Variants in HIVEP2 observed in about 807,000 individuals in gnomAD.
HIVEP2 encodes HIVEP zinc finger 2.
A neutral mutation model predicts 180.7 loss-of-function variants in HIVEP2; 14 were observed. That is an observed-to-expected ratio of 0.08 (90% CI 0.05 to 0.12). The LOEUF (loss-of-function observed/expected upper bound fraction) is 0.12, where lower values mean the gene tolerates loss of function less well. HIVEP2 is among the 10% of genes least tolerant of loss of function. The probability of loss-of-function intolerance (pLI) is 1.00; values close to 1 mark genes in which losing one functional copy is unlikely to be tolerated. For missense variants in HIVEP2, 2,579 were observed against 3,008.5 expected (o/e 0.86, Z 3.34); for synonymous variants, 1,184 against 1,136.4 (o/e 1.04, Z -0.84).
rs140909530 is a variant in HIVEP2, at chr6:142,756,234, A to C, written c.6517-2303T>G. On this transcript the variant is annotated intron_variant, in intron 9 of 9. Coordinates refer to ENST00000367603, the MANE Select transcript of HIVEP2 (RefSeq NM_006734.4). ...CAGTAGGGACCTCTAGATGCAAATG[A>C]TGAGAGGGAGGTAGAAGAGCAAGAG... 4.9e-4 allele frequency among the ~76,000 whole-genome samples: 75 copies of C among 152,274 alleles called. No individual in the cohort carries two copies. The East Asian group carries it at 0.012, about 24-fold the overall frequency.
At chr6:142,795,534 G>C (rs1295802130) in intron 2 of HIVEP2, among the ~76,000 whole-genome samples, 1 of 152,006 alleles carries the variant, frequency 6.6e-6, no homozygotes, top group Non-Finnish European at 1.5e-5. Flanking sequence ...TTTCACTGAG[G>C]GCCTTAGATA....
At position 142,816,416 on chromosome 6, in the gene HIVEP2, T is replaced by C. The variant is rs1159665397; in HGVS notation, c.-528+20519A>G. ...TCATCTCTTTGTCTACTTCTCATGG[T>C]CACGAGCTCTGTTATCCTATCCTAT... On this transcript the variant is annotated intron_variant, in intron 2 of 9. Transcript: ENST00000367603. Among the ~76,000 whole-genome samples the C allele has an allele frequency of 3.9e-5, 6 of 152,202 alleles. No individual in the cohort carries two copies. The East Asian group carries it at 1.2e-3, about 29-fold the overall frequency.
intron 6 of HIVEP2, among the ~76,000 whole-genome samples, chr6:142,765,694 G>T (rs1775364302): frequency 6.6e-6 from 1 of 152,120 alleles, no homozygotes; most frequent in Non-Finnish European, 1.5e-5. Flanking sequence ...TTTCCAGAAG[G>T]GTTTCATAGA....
At chr6:142,813,844 G>A (rs1197610441) in intron 2 of HIVEP2, among the ~76,000 whole-genome samples, 1 of 151,886 alleles carries the variant, frequency 6.6e-6, no homozygotes, top group Non-Finnish European at 1.5e-5. Flanking sequence ...GGGATTACAG[G>A]CATGAGCCAC....
At chr6:142,765,069 T>A in intron 6 of HIVEP2, 95 bp from the exon 7 acceptor site, 1 of 1,156,708 alleles carries the variant, frequency 8.6e-7, no homozygotes, top group Non-Finnish European at 1.2e-6. Flanking sequence ...CAAAGTTTTA[T>A]GAGGGTCTTT....
chr6:142,934,020 A>C (rs1418133495), intron 1 of HIVEP2, among the ~76,000 whole-genome samples: 1 of 152,230 alleles, frequency 6.6e-6, no homozygotes, highest in Admixed American at 6.5e-5. Context: ...CCATCAGGAG[A>C]TATTATAACA....
chr6:142,869,086 G>A (rs1243389686), intron 1 of HIVEP2, among the ~76,000 whole-genome samples: 1 of 152,140 alleles, frequency 6.6e-6, no homozygotes, highest in Non-Finnish European at 1.5e-5. Flanking sequence ...TCACAACTGG[G>A]GAGAAGGAAA....
In HIVEP2 at chr6:142,918,729, A is replaced by G. The variant is rs148196805; in HGVS notation, c.-641+26370T>C. 2.3e-3 allele frequency among the ~76,000 whole-genome samples: 353 copies of G among 152,350 alleles called. 1 individual carries two copies. Among genetic ancestry groups the G allele is most frequent in the African/African-American group, 8.1e-3 (335 of 41,582 alleles). On this transcript the variant is annotated intron_variant, in intron 1 of 9. Transcript: ENST00000367603. ...TTAACATGTTCATGTAATTTTTTGA[A>G]GACAAGGTGAAATAAATGAAGAAAA...
chr6:142,865,742 G>A lies in HIVEP2; in HGVS notation c.-640-28695C>T, dbSNP rs78358057. On this transcript the variant is annotated intron_variant, in intron 1 of 9. Coordinates refer to ENST00000367603, the MANE Select transcript of HIVEP2 (RefSeq NM_006734.4). ...CGACCTAGGATGATGGCAGGCAGAC[G>A]ATTTCTAGAAGATAGAGGTGAACCA... Among the ~76,000 whole-genome samples, 153 of 152,286 alleles carry A rather than the reference G, an allele frequency of 1.0e-3. 1 individual carries two copies. The highest frequency in any genetic ancestry group is 3.6e-3 in the African/African-American group (150 of 41,564).
chr6:142,909,121 TAACA>T (rs1777339322), intron 1 of HIVEP2, among the ~76,000 whole-genome samples: 1 of 152,180 alleles, frequency 6.6e-6, no homozygotes, highest in Non-Finnish European at 1.5e-5. Flanking sequence ...GCCTAACACA[TAACA>T]TGCATTTTCT....
At chr6:142,934,739 C>T (rs184755128) in intron 1 of HIVEP2, among the ~76,000 whole-genome samples, 1 of 152,176 alleles carries the variant, frequency 6.6e-6, no homozygotes, top group Non-Finnish European at 1.5e-5. Flanking sequence ...CAAGACCATC[C>T]CAAGGGACAT....
chr6:142,927,032 C>T (rs1490429660), intron 1 of HIVEP2, among the ~76,000 whole-genome samples: 3 of 150,992 alleles, frequency 2.0e-5, no homozygotes, highest in Non-Finnish European at 4.4e-5. Flanking sequence ...GGGCGGGCGG[C>T]CAGGGCTCCC....
intron 1 of HIVEP2, among the ~76,000 whole-genome samples, chr6:142,911,139 T>TAAAAAAAAAAAAAAAAAAAAAAAAA: frequency 9.4e-6 from 1 of 106,230 alleles, no homozygotes; most frequent in Non-Finnish European, 1.9e-5. Context: ...ACAAACACAT[T>TAAAAAAAAAAAAAAAAAAAAAAAAA]AAAAAAAAAA....
chr6:142,784,467 C>T (rs1354290710), intron 2 of HIVEP2, among the ~76,000 whole-genome samples: 1 of 152,192 alleles, frequency 6.6e-6, no homozygotes, highest in African/African-American at 2.4e-5. Flanking sequence ...TTTCCCCCTC[C>T]TTTCTGCACA....
At position 142,760,285 on chromosome 6, in the gene HIVEP2, T is replaced by C. The variant is rs753757790; in HGVS notation, c.6003A>G (p.Leu2001=). ...CTGAGTCCGTACTTTTGCTCTGGAA[T>C]AGCCTCTGGTATTCTGTCATCTGGG... is the stretch of plus-strand genomic sequence containing the variant. ...EDTQMTEYQR[L]FQSKSTDSEP... The change falls in exon 9 of 10, where the codon CTA becomes CTG. Residue 2001 remains leucine, a synonymous_variant. Transcript: ENST00000367603. 1.2e-6 allele frequency: 2 copies of C among 1,614,214 alleles called. No individual in the cohort carries two copies. Among genetic ancestry groups the C allele is most frequent in the South Asian group, 1.1e-5 (1 of 91,084 alleles).
chr6:142,817,433 C>G (rs752917751), intron 2 of HIVEP2, among the ~76,000 whole-genome samples: 5 of 152,178 alleles, frequency 3.3e-5, no homozygotes, highest in Non-Finnish European at 7.3e-5. Flanking sequence ...AATGCCAAAT[C>G]TAAGTTATTT....
rs185704225 is a variant in HIVEP2 at position 142,943,563 on chromosome 6, C to G, written c.-641+1536G>C. Among the ~76,000 whole-genome samples the G allele has an allele frequency of 3.3e-3, 497 of 152,240 alleles. 1 individual carries two copies. Among genetic ancestry groups the G allele is most frequent in the African/African-American group, 0.012 (481 of 41,526 alleles). On this transcript the variant is annotated intron_variant, in intron 1 of 9. Transcript: ENST00000367603. This position sits in a 1 kb window ranked among gnomAD's most constrained non-coding sequence, Gnocchi z 4.5. Reference sequence around the variant, plus strand: ...AAATCAATAGCCCTTGACTAGGGCTCTGGGTATGCTAGAAAAACACAGATC... The same window carrying G: ...AAATCAATAGCCCTTGACTAGGGCTGTGGGTATGCTAGAAAAACACAGATC...
At chr6:142,825,335 G>A (rs945729317) in intron 2 of HIVEP2, among the ~76,000 whole-genome samples, 2 of 151,798 alleles carry the variant, frequency 1.3e-5, no homozygotes, top group Non-Finnish European at 2.9e-5. Context: ...CCAAAAGCAC[G>A]AGGCTGAGTG....
intron 1 of HIVEP2, among the ~76,000 whole-genome samples, chr6:142,877,727 T>C (rs1488246683): frequency 2.0e-5 from 3 of 152,184 alleles, no homozygotes; most frequent in Admixed American, 6.6e-5. Flanking sequence ...CTAGAAAAAT[T>C]AGGAGACTTC....
Sources: gnomAD v4.1 joint callset for allele counts (sites outside exome capture counted in the v4.1 genomes callset) on GRCh38, gnomAD v4.1.1 for gene constraint, Gnocchi (gnomAD v3.1) non-coding constraint, MANE v1.5 for transcripts, NCBI Gene and HGNC (gene_info 2026-07-23, HGNC 2026-07-21) for gene names.